MACROH2A2: variants seen among roughly 807,000 people sequenced by gnomAD.
MACROH2A2 encodes the protein macroH2A.2 histone.
A neutral mutation model predicts 37.6 loss-of-function variants in MACROH2A2; 6 were observed. The observed-to-expected ratio is 0.16, with a 90% CI of 0.09 to 0.32. The LOEUF is 0.32. Ranked by LOEUF, MACROH2A2 falls within the 10% of genes least tolerant of loss-of-function variation. The pLI is 1.00. For missense variants in MACROH2A2, 290 were observed against 485.9 expected, an observed-to-expected ratio of 0.60 and a Z score of 3.79; for synonymous variants, 192 against 202.7, an observed-to-expected ratio of 0.95 and a Z score of 0.45.
chr10:70,068,763 C>A (rs1433836104), intron 1 of MACROH2A2, among the ~76,000 whole-genome samples: 1 of 152,206 alleles, frequency 6.6e-6, no homozygotes, highest in Non-Finnish European at 1.5e-5. Context: ...CTTAAACCTT[C>A]CTGCAGTGCT....
chr10:70,078,435 C>CT (rs548008568), intron 2 of MACROH2A2, among the ~76,000 whole-genome samples: 51 of 152,336 alleles, frequency 3.3e-4, no homozygotes, highest in Admixed American at 1.4e-3. Context: ...CCTCTGTGTC[C>CT]TTTCCCTCCC....
intron 7 of MACROH2A2, among the ~76,000 whole-genome samples, chr10:70,101,770 G>A (rs1479179226): frequency 6.6e-6 from 1 of 152,114 alleles, no homozygotes; most frequent in South Asian, 2.1e-4. Flanking sequence ...TTTCTGTCTG[G>A]CTTCTCTCAC....
At chr10:70,054,176 G>T (rs148130357) in intron 1 of MACROH2A2, among the ~76,000 whole-genome samples, 1 of 152,372 alleles carries the variant, frequency 6.6e-6, no homozygotes, top group Non-Finnish European at 1.5e-5. Flanking sequence ...ACCACCGTGG[G>T]CCTGACTGAG....
At chr10:70,063,737 A>C (rs1465680120) in intron 1 of MACROH2A2, among the ~76,000 whole-genome samples, 1 of 152,252 alleles carries the variant, frequency 6.6e-6, no homozygotes, top group Admixed American at 6.5e-5. Context: ...AGCCACAGAA[A>C]TAATGGTAAA....
chr10:70,082,418 AAAAAAAAAAAAAG>A (rs2072184196), intron 2 of MACROH2A2, among the ~76,000 whole-genome samples: 1 of 85,042 alleles, frequency 1.2e-5, no homozygotes, highest in Non-Finnish European at 2.4e-5. Flanking sequence ...AACTGTGTCA[AAAAAAAAAAAAAG>A]AAAAAAGAAA....
intron 1 of MACROH2A2, among the ~76,000 whole-genome samples, chr10:70,054,275 T>C (rs1342305359): frequency 6.6e-6 from 1 of 152,076 alleles, no homozygotes; most frequent in East Asian, 1.9e-4. Flanking sequence ...GAAACCAAAG[T>C]GCGGGGCCCT....
In MACROH2A2 at chr10:70,095,690, T is replaced by G. The variant is rs1204821512; in HGVS notation, c.625T>G (p.Ser209Ala). 6.3e-7 allele frequency: 1 copy of G among 1,597,776 alleles called. No individual in the cohort carries two copies. Among genetic ancestry groups the G allele is most frequent in the African/African-American group, 1.3e-5 (1 of 74,592 alleles). Residue 209 changes from serine (S) to alanine (A), a missense_variant, in exon 6 of 9, where the codon TCC (serine) becomes GCC (alanine). Ser to Ala is a moderately conservative substitution (Grantham distance 99, BLOSUM62 1). Coordinates refer to ENST00000373255, the MANE Select transcript of MACROH2A2 (RefSeq NM_018649.3). ...LTQSDISHIGSMRVEGIVHPT... is the reference protein window; with the variant it reads ...LTQSDISHIGAMRVEGIVHPT... ...CCAGAGTGACATCAGCCATATTGGC[T>G]CCATGAGAGTGGAGGGCATTGTCCA...
intron 3 of MACROH2A2, 136 bp downstream of exon 3, chr10:70,090,302 G>T: frequency 4.8e-6 from 3 of 626,398 alleles, no homozygotes; most frequent in Non-Finnish European, 5.8e-6. Flanking sequence ...CCATATAAAA[G>T]AACAAATTCT....
At chr10:70,087,659 C>A (rs1397759802) in intron 2 of MACROH2A2, among the ~76,000 whole-genome samples, 1 of 152,204 alleles carries the variant, frequency 6.6e-6, no homozygotes, top group African/African-American at 2.4e-5. Context: ...CATGGGTTCA[C>A]AGACAGCATT....
chr10:70,091,329 T>C (rs955703173), intron 3 of MACROH2A2, among the ~76,000 whole-genome samples: 34 of 152,220 alleles, frequency 2.2e-4, no homozygotes, highest in African/African-American at 7.5e-4. Context: ...AATTAAATGG[T>C]GTATTACGCA....
At chr10:70,085,428 C>T (rs538531946) in intron 2 of MACROH2A2, among the ~76,000 whole-genome samples, 35 of 152,142 alleles carry the variant, frequency 2.3e-4, no homozygotes, top group African/African-American at 8.4e-4. Flanking sequence ...CAGACAGAAC[C>T]CCAGGGACAC....
At chr10:70,058,664 A>C (rs1166642246) in intron 1 of MACROH2A2, among the ~76,000 whole-genome samples, 1 of 152,150 alleles carries the variant, frequency 6.6e-6, no homozygotes, top group Admixed American at 6.6e-5. Context: ...ACACACACAC[A>C]GAATTTTGTA....
intron 1 of MACROH2A2, among the ~76,000 whole-genome samples, chr10:70,068,670 A>C (rs1227982989): frequency 6.6e-6 from 1 of 152,170 alleles, no homozygotes; most frequent in Non-Finnish European, 1.5e-5. Flanking sequence ...AACATAGTGC[A>C]CCCTACTGTT....
At position 70,100,401 on chromosome 10, in the gene MACROH2A2, T is replaced by C. The variant is rs1046328667; in HGVS notation, c.778+104T>C. 5 of 636,398 alleles carry C rather than the reference T, an allele frequency of 7.9e-6. No individual in the cohort carries two copies. The African/African-American group carries it at 9.2e-5, about 12-fold the overall frequency. The allele number at this position is 636,398 out of a possible 1,614,324, so 39.4% of individuals were successfully genotyped here. Reference sequence around the variant, plus strand: ...CCTATTCAGCTTATGAGTCAAAGTATGCCATAACTAATCAGAAAGCTGTTT... The same window carrying C: ...CCTATTCAGCTTATGAGTCAAAGTACGCCATAACTAATCAGAAAGCTGTTT... On this transcript the variant is annotated intron_variant, in intron 7 of 8. Coordinates refer to ENST00000373255, the MANE Select transcript of MACROH2A2 (RefSeq NM_018649.3).
chr10:70,082,699 G>A (rs1444355769), intron 2 of MACROH2A2, among the ~76,000 whole-genome samples: 1 of 152,152 alleles, frequency 6.6e-6, no homozygotes, highest in Admixed American at 6.6e-5. Flanking sequence ...GACACAATAG[G>A]GCAATATCAT....
intron 5 of MACROH2A2, among the ~76,000 whole-genome samples, chr10:70,094,301 A>G (rs1418808655): frequency 6.6e-6 from 1 of 152,256 alleles, no homozygotes; most frequent in Non-Finnish European, 1.5e-5. Context: ...TTATTTGCCA[A>G]TAATTCAGTC....
chr10:70,076,989 T>C (rs896319419), intron 2 of MACROH2A2, among the ~76,000 whole-genome samples: 1 of 135,692 alleles, frequency 7.4e-6, no homozygotes, highest in African/African-American at 2.9e-5. Context: ...GACCTCTGCA[T>C]CATGAGCCTT....
intron 7 of MACROH2A2, among the ~76,000 whole-genome samples, chr10:70,103,113 A>G (rs905278778): frequency 3.4e-4 from 51 of 152,166 alleles, no homozygotes; most frequent in Admixed American, 3.3e-3. Flanking sequence ...TTCTATAAAA[A>G]TCTGTCTTTC....
intron 2 of MACROH2A2, among the ~76,000 whole-genome samples, chr10:70,079,920 C>T (rs550765985): frequency 1.3e-5 from 2 of 152,258 alleles, no homozygotes; most frequent in Admixed American, 6.5e-5. Context: ...TCAGGCCACA[C>T]TGCCATGGGG....
Sources: allele counts gnomAD v4.1 joint callset (sites outside exome capture counted in the v4.1 genomes callset), GRCh38; gene constraint gnomAD v4.1.1; transcripts MANE v1.5; gene names NCBI Gene and HGNC (gene_info 2026-07-23, HGNC 2026-07-21).